PTPRT: variants seen among roughly 807,000 people sequenced by gnomAD.
PTPRT encodes protein tyrosine phosphatase receptor type T, also known as receptor-type tyrosine-protein phosphatase T.
In PTPRT, 56 loss-of-function variants were observed where a neutral mutation model predicts 176.8. The observed-to-expected ratio is 0.32, with a 90% CI of 0.26 to 0.40. PTPRT has a LOEUF of 0.40. PTPRT is among the 10% of genes least tolerant of loss of function. PTPRT has a pLI of 1.00. For synonymous variants in PTPRT, 783 were observed against 739.0 expected (o/e 1.06, Z -0.96); for missense variants, 1,540 against 1,908.2 (o/e 0.81, Z 3.60).
chr20:42,722,051 T>G (rs1427062544), intron 6 of PTPRT, among the ~76,000 whole-genome samples: 1 of 152,188 alleles, frequency 6.6e-6, no homozygotes, highest in Non-Finnish European at 1.5e-5. Flanking sequence ...CCTTGCAGCA[T>G]CTAGCACTGT....
At chr20:43,059,680 T>G (rs1040324485) in intron 1 of PTPRT, among the ~76,000 whole-genome samples, 1 of 152,124 alleles carries the variant, frequency 6.6e-6, no homozygotes, top group African/African-American at 2.4e-5. Flanking sequence ...AGAATCACCT[T>G]TAAAGGTCTG....
At chr20:43,122,695 C>T (rs2013307672) in intron 1 of PTPRT, among the ~76,000 whole-genome samples, 1 of 152,216 alleles carries the variant, frequency 6.6e-6, no homozygotes, top group Non-Finnish European at 1.5e-5. Context: ...GATACACTGG[C>T]TCCCCATTCA....
At chr20:42,914,301 G>A (rs182934486) in intron 1 of PTPRT, among the ~76,000 whole-genome samples, 11 of 152,258 alleles carry the variant, frequency 7.2e-5, no homozygotes, top group Admixed American at 5.9e-4. Context: ...TTTTGGTCAT[G>A]TTGGTTCATG....
At chr20:42,532,847 C>T (rs1395542604) in intron 7 of PTPRT, among the ~76,000 whole-genome samples, 1 of 152,046 alleles carries the variant, frequency 6.6e-6, no homozygotes, top group Non-Finnish European at 1.5e-5. Context: ...CATTTTCTTC[C>T]CAAAGCAGAC....
chr20:42,189,208 T>A (rs932358), intron 16 of PTPRT, among the ~76,000 whole-genome samples: 1 of 152,016 alleles, frequency 6.6e-6, no homozygotes. Context: ...ACACCTCATA[T>A]TTCCAAGCTT....
At chr20:42,841,710 C>T (rs8125837) in intron 2 of PTPRT, among the ~76,000 whole-genome samples, 9 of 151,072 alleles carry the variant, frequency 6.0e-5, no homozygotes, top group East Asian at 1.9e-4. Context: ...ACTATATGTA[C>T]GAGAATGTCA....
At chr20:42,323,707 C>T (rs562562717) in intron 11 of PTPRT, among the ~76,000 whole-genome samples, 1 of 152,056 alleles carries the variant, frequency 6.6e-6, no homozygotes, top group South Asian at 2.1e-4. Flanking sequence ...CACATGTATA[C>T]ATATGTAACT....
chr20:42,125,669 T>C (rs1017883237), intron 19 of PTPRT, among the ~76,000 whole-genome samples: 7 of 152,226 alleles, frequency 4.6e-5, no homozygotes, highest in African/African-American at 1.7e-4. Flanking sequence ...AAACAGGAAA[T>C]GAATCAGAGG....
intron 7 of PTPRT, among the ~76,000 whole-genome samples, chr20:42,612,282 C>T (rs2073988162): frequency 6.6e-6 from 1 of 152,230 alleles, no homozygotes; most frequent in African/African-American, 2.4e-5. Flanking sequence ...TCCACACATC[C>T]ACCGAGCTTT....
chr20:42,178,999 C>T (rs1600638682), intron 16 of PTPRT, among the ~76,000 whole-genome samples: 2 of 152,136 alleles, frequency 1.3e-5, no homozygotes, highest in Non-Finnish European at 2.9e-5. Context: ...TTATCATATC[C>T]TATTCATTGG....
the PTPRT span, among the ~76,000 whole-genome samples, chr20:42,062,537 A>G: frequency 3.3e-5 from 5 of 152,352 alleles, no homozygotes; most frequent in East Asian, 9.6e-4. Flanking sequence ...AGTTGGAGCC[A>G]TAATGACAGT....
At chr20:42,041,563 T>A in the PTPRT span, among the ~76,000 whole-genome samples, 1 of 152,186 alleles carries the variant, frequency 6.6e-6, no homozygotes, top group Non-Finnish European at 1.5e-5. Flanking sequence ...ATAAAGCACT[T>A]TTACGTATAT....
intron 16 of PTPRT, among the ~76,000 whole-genome samples, chr20:42,165,683 C>A (rs958630524): frequency 6.6e-6 from 1 of 152,178 alleles, no homozygotes; most frequent in African/African-American, 2.4e-5. Flanking sequence ...GACAGAGGAG[C>A]TGAATTTTAA....
intron 13 of PTPRT, among the ~76,000 whole-genome samples, chr20:42,276,558 T>TATATAA (rs1568731969): frequency 2.2e-5 from 2 of 91,280 alleles, no homozygotes; most frequent in African/African-American, 3.8e-5. Flanking sequence ...TATATATATA[T>TATATAA]AATGTTCTTG....
intron 1 of PTPRT, among the ~76,000 whole-genome samples, chr20:43,109,433 A>G (rs1371964868): frequency 2.6e-5 from 4 of 151,874 alleles, no homozygotes; most frequent in Admixed American, 2.6e-4. Flanking sequence ...CCTGATCTCG[A>G]CTCTGAGCAC....
chr20:42,153,664 A>T (rs914035480), intron 17 of PTPRT, among the ~76,000 whole-genome samples: 3 of 152,150 alleles, frequency 2.0e-5, no homozygotes, highest in African/African-American at 7.2e-5. Flanking sequence ...CTGTGAGCCT[A>T]CAATTTTGGG....
chr20:42,833,451 TG>T (rs1387484048), intron 2 of PTPRT, among the ~76,000 whole-genome samples: 2 of 151,688 alleles, frequency 1.3e-5, no homozygotes, highest in African/African-American at 4.8e-5. Flanking sequence ...GTGGGGCATG[TG>T]CCTATAGTCT....
intron 18 of PTPRT, among the ~76,000 whole-genome samples, chr20:42,134,288 T>C (rs2146384679): frequency 6.6e-6 from 1 of 152,330 alleles, no homozygotes; most frequent in East Asian, 1.9e-4. Context: ...TTATGCTCTA[T>C]CTACATTTTG....
chr20:42,602,123 A>AT (rs1392344298), intron 7 of PTPRT, among the ~76,000 whole-genome samples: 1 of 152,032 alleles, frequency 6.6e-6, no homozygotes, highest in Admixed American at 6.5e-5. Context: ...CCTGAAGTCC[A>AT]TTTTTGGTAC....
Sources: gnomAD v4.1 joint callset for allele counts (sites outside exome capture counted in the v4.1 genomes callset) on GRCh38, gnomAD v4.1.1 for gene constraint, MANE v1.5 for transcripts, NCBI Gene and HGNC (gene_info 2026-07-23, HGNC 2026-07-21) for gene names.